Variants in ANKIB1 observed in about 807,000 individuals in gnomAD.
The protein encoded by ANKIB1 is ankyrin repeat and IBR domain containing 1, also known as ankyrin repeat and IBR domain-containing protein 1.
Under a neutral mutation model 122.1 loss-of-function variants are expected in ANKIB1, and 43 were observed. The ratio of observed to expected loss-of-function variants is 0.35; its 90% confidence interval spans 0.28 to 0.45. The LOEUF is 0.45. Among genes scored for constraint, ANKIB1 ranks in the 20% least tolerant of loss-of-function variants. ANKIB1 has a pLI of 1.00. For synonymous variants in ANKIB1, 390 were observed against 442.0 expected, an observed-to-expected ratio of 0.88 and a Z score of 1.48; for missense variants, 992 against 1,329.5, an observed-to-expected ratio of 0.75 and a Z score of 3.95.
chr7:92,264,175 T>A (rs1157556433), intron 1 of ANKIB1, among the ~76,000 whole-genome samples: 2 of 151,508 alleles, frequency 1.3e-5, no homozygotes, highest in African/African-American at 4.8e-5. Context: ...TTTTTTTTGT[T>A]TGTTTGTTGG....
At chr7:92,322,941 C>G (rs1802944714) in intron 4 of ANKIB1, among the ~76,000 whole-genome samples, 1 of 152,146 alleles carries the variant, frequency 6.6e-6, no homozygotes, top group Non-Finnish European at 1.5e-5. Flanking sequence ...GCCTCAGTCT[C>G]TTCTTAAAAT....
At chr7:92,342,008 A>G (rs542099681) in intron 5 of ANKIB1, among the ~76,000 whole-genome samples, 42 of 152,228 alleles carry the variant, frequency 2.8e-4, no homozygotes, top group Non-Finnish European at 4.6e-4. Context: ...TGTCAAAGTC[A>G]TATTTATCCT....
At chr7:92,355,710 G>A (rs1215229809) in intron 9 of ANKIB1, among the ~76,000 whole-genome samples, 2 of 151,858 alleles carry the variant, frequency 1.3e-5, no homozygotes, top group Non-Finnish European at 2.9e-5. Context: ...TTAGCCAGGC[G>A]TGGTGGCATG....
In ANKIB1 at chr7:92,309,942, A is replaced by AATATATATAT. The variant is rs1162113763; in HGVS notation, c.486+2298_486+2307dup. Among the ~76,000 whole-genome samples the AATATATATAT allele has an allele frequency of 8.7e-5, 8 of 91,768 alleles. 1 individual carries two copies. Among genetic ancestry groups the AATATATATAT allele is most frequent in the East Asian group, 9.2e-4 (2 of 2,172 alleles). 60.2% of individuals were successfully genotyped at this position (91,768 alleles called of 152,430 possible). On this transcript the variant is annotated intron_variant, in intron 3 of 19. Coordinates refer to ENST00000265742, the MANE Select transcript of ANKIB1 (RefSeq NM_019004.2). ...TCCATCTAAAAAAAAAAAAAAAAAA[A>AATATATATAT]ATATATATATATATATATATAAATT... is the stretch of plus-strand genomic sequence containing the variant.
intron 5 of ANKIB1, among the ~76,000 whole-genome samples, chr7:92,336,856 C>T (rs1803301177): frequency 6.6e-6 from 1 of 152,032 alleles, no homozygotes; most frequent in South Asian, 2.1e-4. Flanking sequence ...CTCTAGTGTC[C>T]TCAGATAGTT....
intron 1 of ANKIB1, among the ~76,000 whole-genome samples, chr7:92,246,778 C>A (rs774593657): frequency 6.6e-6 from 1 of 152,210 alleles, no homozygotes; most frequent in Admixed American, 6.5e-5. Flanking sequence ...GATGCATCTC[C>A]TTGTCCCTCT....
chr7:92,377,971 A>G (rs1044525925), intron 11 of ANKIB1, among the ~76,000 whole-genome samples: 7 of 152,334 alleles, frequency 4.6e-5, no homozygotes, highest in Admixed American at 1.3e-4. Context: ...AAAACTTTCA[A>G]AGTATTTTTA....
intron 17 of ANKIB1, 41 bp from the exon 18 acceptor site, chr7:92,396,324 T>A (rs774206293): frequency 1.8e-6 from 2 of 1,103,016 alleles, no homozygotes; most frequent in South Asian, 1.4e-5. Flanking sequence ...ATTTTAAAAA[T>A]TGCATGCTCT....
At chr7:92,397,090 ATC>A (rs1804913640) in intron 18 of ANKIB1, among the ~76,000 whole-genome samples, 1 of 152,212 alleles carries the variant, frequency 6.6e-6, no homozygotes, top group Admixed American at 6.5e-5. Flanking sequence ...ATTTTAAGAA[ATC>A]TAAAAATGAA....
chr7:92,299,854 C>T (rs533501197), intron 2 of ANKIB1, among the ~76,000 whole-genome samples: 4 of 152,018 alleles, frequency 2.6e-5, no homozygotes, highest in Admixed American at 6.6e-5. Context: ...TTTCCCAGGC[C>T]GGAGTGCAGT....
intron 11 of ANKIB1, among the ~76,000 whole-genome samples, chr7:92,371,951 GTGT>G (rs1562795553): frequency 1.2e-3 from 3 of 2,540 alleles, no homozygotes; most frequent in African/African-American, 2.1e-3. Flanking sequence ...TGAGAGAGGG[GTGT>G]GTGTGTGTGT....
intron 11 of ANKIB1, among the ~76,000 whole-genome samples, chr7:92,378,683 A>T (rs1804442357): frequency 6.6e-6 from 1 of 152,194 alleles, no homozygotes. Flanking sequence ...TAGATTGAAG[A>T]TACCAGTCAA....
chr7:92,250,745 G>C (rs1264383249), intron 1 of ANKIB1, among the ~76,000 whole-genome samples: 1 of 152,148 alleles, frequency 6.6e-6, no homozygotes, highest in African/African-American at 2.4e-5. Flanking sequence ...CTCATTATTG[G>C]TAGGATATAT....
At chr7:92,306,347 GAGC>G (rs1802561680) in intron 2 of ANKIB1, among the ~76,000 whole-genome samples, 1 of 151,984 alleles carries the variant, frequency 6.6e-6, no homozygotes, top group African/African-American at 2.4e-5. Flanking sequence ...CTCATTTTAG[GAGC>G]TAGGCACAAC....
intron 2 of ANKIB1, among the ~76,000 whole-genome samples, chr7:92,304,438 T>C (rs1802515870): frequency 6.6e-6 from 1 of 152,140 alleles, no homozygotes; most frequent in South Asian, 2.1e-4. Flanking sequence ...GATCTAGAGA[T>C]ATTTAATACT....
At chr7:92,276,618 C>A (rs1801910780) in intron 1 of ANKIB1, among the ~76,000 whole-genome samples, 1 of 152,196 alleles carries the variant, frequency 6.6e-6, no homozygotes, top group South Asian at 2.1e-4. Context: ...AGAATGTGGC[C>A]AGTTAAAACA....
At chr7:92,348,635 C>T (rs546944013) in intron 7 of ANKIB1, among the ~76,000 whole-genome samples, 1 of 152,262 alleles carries the variant, frequency 6.6e-6, no homozygotes, top group South Asian at 2.1e-4. Flanking sequence ...CCGCCTACCT[C>T]GGCCTCCCAA....
In ANKIB1 at chr7:92,295,113, G is replaced by C. The variant is rs939789960; in HGVS notation, c.135G>C (p.Gln45His). The change falls in exon 2 of 20, where the codon CAG (glutamine) becomes CAC (histidine). Residue 45 changes from glutamine (Q) to histidine (H), a missense_variant. Gln to His is a conservative substitution (Grantham distance 24, BLOSUM62 0). This residue lies in a region of ANKIB1 where 54 missense variants were observed against 112.3 expected (regional missense o/e 0.48). Transcript: ENST00000265742. Reference sequence around the variant, plus strand: ...ATACATCTTATGGGGAGCCCTACCAGCACAATACTCCATTACATTATGCTG... The same window carrying C: ...ATACATCTTATGGGGAGCCCTACCACCACAATACTCCATTACATTATGCTG... ...DPNTSYGEPY[Q>H]HNTPLHYAAR... 1 of 1,574,988 alleles carries C rather than the reference G, an allele frequency of 6.3e-7. No individual in the cohort carries two copies. Among genetic ancestry groups the C allele is most frequent in the Non-Finnish European group, 8.6e-7 (1 of 1,159,298 alleles).
chr7:92,380,200 A>G (rs892308126), intron 11 of ANKIB1, among the ~76,000 whole-genome samples: 1 of 152,146 alleles, frequency 6.6e-6, no homozygotes, highest in African/African-American at 2.4e-5. Flanking sequence ...GGCATCTGCC[A>G]TTGCTGAGTA....
Sources: gnomAD v4.1 joint callset for allele counts (sites outside exome capture counted in the v4.1 genomes callset) on GRCh38, gnomAD v4.1.1 for gene constraint, gnomAD v4.1.1 regional missense constraint, MANE v1.5 for transcripts, NCBI Gene and HGNC (gene_info 2026-07-23, HGNC 2026-07-21) for gene names.